SGCD: variants seen among roughly 807,000 people sequenced by gnomAD.
SGCD encodes the protein delta-sarcoglycan.
In SGCD, 18 loss-of-function variants were observed where a neutral mutation model predicts 36.6. That is an observed-to-expected ratio of 0.49 (90% CI 0.34 to 0.73). The LOEUF is 0.73. Among genes scored for constraint, SGCD ranks in the 30% least tolerant of loss-of-function variants. The pLI is 0.01. For missense variants in SGCD, 387 were observed against 346.7 expected, an observed-to-expected ratio of 1.12 and a Z score of -0.92; for synonymous variants, 133 against 130.6, an observed-to-expected ratio of 1.02 and a Z score of -0.12.
At chr5:155,883,793 C>CAAAAAAAAAAAA (rs34250962) in intron 1 of SGCD, among the ~76,000 whole-genome samples, 8 of 83,488 alleles carry the variant, frequency 9.6e-5, no homozygotes, top group East Asian at 3.3e-4. Context: ...CTTCAATTTG[C>CAAAAAAAAAAAA]AAAAAAAAAA....
rs552132999 is a variant in SGCD, at chr5:156,552,299, T to A, written c.295-36932T>A. The stretch of plus-strand genomic sequence containing the variant: ...GACCAATTCAGATAAATTGGTCCTA[T>A]TTGCCTGTAGTGCTGTGTTGAGAAG... On this transcript the variant is annotated intron_variant, in intron 4 of 8. Coordinates refer to ENST00000337851, the MANE Select transcript of SGCD (RefSeq NM_000337.6). 5.3e-5 allele frequency among the ~76,000 whole-genome samples: 8 copies of A among 152,258 alleles called. No individual in the cohort carries two copies. In the East Asian group the frequency reaches 1.4e-3, roughly 26 times the overall value.
At chr5:155,792,176 G>A in the SGCD span, among the ~76,000 whole-genome samples, 11 of 152,160 alleles carry the variant, frequency 7.2e-5, 1 homozygote, top group African/African-American at 2.6e-4. Context: ...TTCAATAAAT[G>A]GTGCTGGGGT....
intron 4 of SGCD, among the ~76,000 whole-genome samples, chr5:156,525,336 C>G (rs144176376): frequency 1.3e-5 from 2 of 151,976 alleles, no homozygotes; most frequent in Non-Finnish European, 1.5e-5. Flanking sequence ...GTGCTGAACA[C>G]CTTTTCATAT....
intron 3 of SGCD, among the ~76,000 whole-genome samples, chr5:156,448,386 A>C (rs1287208722): frequency 2.0e-5 from 3 of 152,152 alleles, no homozygotes; most frequent in Non-Finnish European, 4.4e-5. Context: ...CTGGGGATGA[A>C]GTATATTGGC....
rs185064787 is a variant in SGCD at position 156,581,256 on chromosome 5, C to A, written c.295-7975C>A. On this transcript the variant is annotated intron_variant, in intron 4 of 8. Transcript: ENST00000337851. ...CTGCAGAACAGCAAATATTGCAGAACAGCAAATATTGCTGCCTGATCCTTC... is the reference window on the plus strand; with the variant it reads ...CTGCAGAACAGCAAATATTGCAGAAAAGCAAATATTGCTGCCTGATCCTTC... Among the ~76,000 whole-genome samples the A allele has an allele frequency of 2.3e-3, 347 of 152,330 alleles. 1 individual carries two copies. Among genetic ancestry groups the A allele is most frequent in the Middle Eastern group, 0.017 (5 of 294 alleles).
intron 1 of SGCD, among the ~76,000 whole-genome samples, chr5:155,933,242 T>C (rs1757132519): frequency 6.6e-6 from 1 of 152,186 alleles, no homozygotes; most frequent in South Asian, 2.1e-4. Context: ...CTTACATTCT[T>C]GCCTGTCACA....
chr5:156,020,615 G>A (rs2127573160), intron 1 of SGCD, among the ~76,000 whole-genome samples: 1 of 152,304 alleles, frequency 6.6e-6, no homozygotes, highest in East Asian at 1.9e-4. Flanking sequence ...TACTAGCAAT[G>A]AGGATATTTT....
the SGCD span, among the ~76,000 whole-genome samples, chr5:155,776,792 A>G: frequency 1.3e-5 from 2 of 152,158 alleles, no homozygotes; most frequent in East Asian, 1.9e-4. Flanking sequence ...ACTAACAGAT[A>G]TTCCTTATAG....
the SGCD span, among the ~76,000 whole-genome samples, chr5:155,777,080 C>A: frequency 1.3e-5 from 2 of 152,078 alleles, no homozygotes; most frequent in Non-Finnish European, 2.9e-5. Flanking sequence ...AGGGTTCCTG[C>A]TTGTGAGTTG....
At chr5:155,966,448 A>G (rs749863973) in intron 1 of SGCD, among the ~76,000 whole-genome samples, 1 of 152,190 alleles carries the variant, frequency 6.6e-6, no homozygotes, top group African/African-American at 2.4e-5. Context: ...TAATAAGACC[A>G]TGTGTGAGAT....
chr5:156,157,811 G>A (rs1365363456), intron 3 of SGCD, among the ~76,000 whole-genome samples: 1 of 151,654 alleles, frequency 6.6e-6, no homozygotes, highest in Non-Finnish European at 1.5e-5. Context: ...ACTTATCATT[G>A]TTAGGAAATA....
chr5:156,581,109 T>C (rs867119147), intron 4 of SGCD, among the ~76,000 whole-genome samples: 1 of 152,214 alleles, frequency 6.6e-6, no homozygotes, highest in South Asian at 2.1e-4. Flanking sequence ...TTTTTGTTGA[T>C]GTTGATGCTA....
chr5:155,740,362 A>G, the SGCD span, among the ~76,000 whole-genome samples: 2 of 152,234 alleles, frequency 1.3e-5, no homozygotes, highest in Non-Finnish European at 2.9e-5. Context: ...GGACCACTTG[A>G]TGTTGAGAAA....
At chr5:156,518,012 G>A (rs893882901) in intron 4 of SGCD, among the ~76,000 whole-genome samples, 1 of 152,150 alleles carries the variant, frequency 6.6e-6, no homozygotes, top group Non-Finnish European at 1.5e-5. Flanking sequence ...AAATGTAAAT[G>A]GGCTAATTGC....
intron 3 of SGCD, among the ~76,000 whole-genome samples, chr5:156,388,624 A>T (rs7708513): frequency 0.55 from 83,247 of 152,056 alleles, 23,020 homozygotes; most frequent in Middle Eastern, 0.62. Context: ...GGGCTACATT[A>T]AAATACAGCT....
chr5:156,061,442 G>A lies in SGCD; in HGVS notation c.-281-56436G>A, dbSNP rs908915973. ...AACCAAATGTGACAGGCTAATGGAT[G>A]TTTTTAAATTCATACACTATAACTG... On this transcript the variant is annotated intron_variant, in intron 1 of 9. Transcript: ENST00000517913. Among the ~76,000 whole-genome samples the A allele has an allele frequency of 2.1e-5, 3 of 146,102 alleles. 1 individual carries two copies. Among genetic ancestry groups the A allele is most frequent in the African/African-American group, 7.4e-5 (3 of 40,590 alleles).
chr5:156,485,029 TC>T (rs1481225531), intron 3 of SGCD, among the ~76,000 whole-genome samples: 1 of 152,192 alleles, frequency 6.6e-6, no homozygotes, highest in South Asian at 2.1e-4. Context: ...TTTTTTTTTT[TC>T]ATAACGATTT....
the SGCD span, among the ~76,000 whole-genome samples, chr5:155,813,077 A>G: frequency 6.6e-6 from 1 of 151,894 alleles, no homozygotes; most frequent in East Asian, 1.9e-4. Flanking sequence ...AAAGGAATAC[A>G]AGAAGCTAGT....
chr5:156,430,801 T>A (rs1024517276), intron 3 of SGCD, among the ~76,000 whole-genome samples: 4 of 152,164 alleles, frequency 2.6e-5, no homozygotes, highest in Non-Finnish European at 5.9e-5. Context: ...CTTTCCCAGA[T>A]GTGGTTGTAG....
Sources: gnomAD v4.1 joint callset for allele counts (sites outside exome capture counted in the v4.1 genomes callset) on GRCh38, gnomAD v4.1.1 for gene constraint, MANE v1.5 for transcripts, NCBI Gene and HGNC (gene_info 2026-07-23, HGNC 2026-07-21) for gene names.